ESRRG: variants seen among roughly 807,000 people sequenced by gnomAD.
The protein encoded by ESRRG is estrogen-related receptor gamma.
A neutral mutation model predicts 44.0 loss-of-function variants in ESRRG; 13 were observed. The ratio of observed to expected loss-of-function variants is 0.30; its 90% CI spans 0.19 to 0.47. The LOEUF (loss-of-function observed/expected upper bound fraction) is 0.47, where lower values mean the gene tolerates loss of function less well. Among genes scored for constraint, ESRRG ranks in the 20% least tolerant of loss-of-function variants. The pLI, the probability that ESRRG is intolerant of heterozygous loss-of-function variation, is 1.00. For synonymous variants in ESRRG, 215 were observed against 214.6 expected, an observed-to-expected ratio of 1.00 and a Z score of -0.02; for missense variants, 395 against 580.6, an observed-to-expected ratio of 0.68 and a Z score of 3.29.
chr1:216,738,086 C>T (rs2090202847), intron 2 of ESRRG, among the ~76,000 whole-genome samples: 1 of 150,516 alleles, frequency 6.6e-6, no homozygotes, highest in Non-Finnish European at 1.5e-5. Flanking sequence ...TTTGGAATCA[C>T]CTGGAGACTT....
chr1:217,015,460 A>G (rs528123809), intron 1 of ESRRG, among the ~76,000 whole-genome samples: 1 of 152,266 alleles, frequency 6.6e-6, no homozygotes, highest in Admixed American at 6.5e-5. Flanking sequence ...CTTGGCTCAA[A>G]CTAGTATCTT....
At chr1:216,954,217 C>T (rs975710566) in intron 1 of ESRRG, among the ~76,000 whole-genome samples, 1 of 151,792 alleles carries the variant, frequency 6.6e-6, no homozygotes, top group Non-Finnish European at 1.5e-5. Context: ...TTTAATTGCA[C>T]TACTCCATGG....
At chr1:216,570,268 T>A (rs556687211) in intron 3 of ESRRG, among the ~76,000 whole-genome samples, 1 of 152,102 alleles carries the variant, frequency 6.6e-6, no homozygotes, top group East Asian at 1.9e-4. Context: ...CCCAAAAAAG[T>A]TAGGTAAGGT....
chr1:216,970,782 C>T (rs17044582), intron 1 of ESRRG, among the ~76,000 whole-genome samples: 1 of 152,110 alleles, frequency 6.6e-6, no homozygotes, highest in African/African-American at 2.4e-5. Context: ...TGCTTAGATA[C>T]CTTACTCTTC....
chr1:216,747,390 G>A (rs2091522274), intron 2 of ESRRG, among the ~76,000 whole-genome samples: 1 of 152,094 alleles, frequency 6.6e-6, no homozygotes, highest in South Asian at 2.1e-4. Context: ...CACGTGCTAG[G>A]TCCTCACAAT....
intron 1 of ESRRG, among the ~76,000 whole-genome samples, chr1:217,103,693 A>C (rs1409743813): frequency 6.6e-6 from 1 of 151,264 alleles, no homozygotes; most frequent in Non-Finnish European, 1.5e-5. Flanking sequence ...ATTAATTAAA[A>C]GAATTTTTTA....
At chr1:216,572,953 C>T (rs926514121) in intron 3 of ESRRG, among the ~76,000 whole-genome samples, 3 of 151,554 alleles carry the variant, frequency 2.0e-5, no homozygotes, top group Non-Finnish European at 4.4e-5. Flanking sequence ...AAATACAAAT[C>T]GAACAAAAAA....
At chr1:216,519,803 C>G (rs1395731585) in intron 5 of ESRRG, among the ~76,000 whole-genome samples, 1 of 70,848 alleles carries the variant, frequency 1.4e-5, no homozygotes, top group South Asian at 4.7e-4. Flanking sequence ...TATTGGTAAA[C>G]AACATAAAAG....
chr1:216,926,995 G>A (rs933608766), intron 2 of ESRRG, among the ~76,000 whole-genome samples: 2 of 152,138 alleles, frequency 1.3e-5, no homozygotes, highest in African/African-American at 4.8e-5. Context: ...CAGCTTGTTG[G>A]GGGATTAGTG....
At chr1:216,943,103 TG>T (rs1477406259) in intron 1 of ESRRG, among the ~76,000 whole-genome samples, 22 of 152,320 alleles carry the variant, frequency 1.4e-4, no homozygotes, top group Non-Finnish European at 2.9e-5. Flanking sequence ...GCCTGGATTT[TG>T]CATTGCAAGA....
chr1:216,647,574 C>T (rs2067911556), intron 3 of ESRRG, among the ~76,000 whole-genome samples: 1 of 152,038 alleles, frequency 6.6e-6, no homozygotes, highest in African/African-American at 2.4e-5. Flanking sequence ...GAAAGCATAT[C>T]TTATAAGAAT....
intron 1 of ESRRG, among the ~76,000 whole-genome samples, chr1:216,683,147 A>G (rs1320418743): frequency 6.6e-6 from 1 of 152,188 alleles, no homozygotes; most frequent in East Asian, 1.9e-4. Context: ...GCATTAAGGT[A>G]CACTGGCTTA....
intron 3 of ESRRG, among the ~76,000 whole-genome samples, chr1:216,594,449 C>T (rs947105799): frequency 2.6e-5 from 4 of 152,086 alleles, no homozygotes; most frequent in Non-Finnish European, 5.9e-5. Context: ...GCCATCAGCC[C>T]TATTGCATGG....
rs2077474231 is a variant in ESRRG at position 216,683,902 on chromosome 1, C to T, written c.57-6411G>A. ...TCCCATGTCCTGGATACCCCTAAAT[C>T]CGAGGTAAACCAGGATGGTTTGTCA... On this transcript the variant is annotated intron_variant, in intron 1 of 6. Coordinates refer to ENST00000408911, the MANE Select transcript of ESRRG (RefSeq NM_001438.4). 3.3e-5 allele frequency among the ~76,000 whole-genome samples: 5 copies of T among 152,200 alleles called. No homozygotes were observed. The South Asian group carries it at 1.0e-3, about 32-fold the overall frequency.
chr1:216,728,595 T>C (rs564421817), intron 2 of ESRRG, among the ~76,000 whole-genome samples: 1 of 152,136 alleles, frequency 6.6e-6, no homozygotes, highest in East Asian at 1.9e-4. Context: ...TTGATACCAG[T>C]AAAATGATCA....
At chr1:217,115,177 G>A (rs116452931) in intron 1 of ESRRG, among the ~76,000 whole-genome samples, 2,487 of 152,256 alleles carry the variant, frequency 0.016, 75 homozygotes, top group African/African-American at 0.056. Context: ...TCCACCTGGG[G>A]AAAAGTAAGT....
intron 1 of ESRRG, among the ~76,000 whole-genome samples, chr1:217,025,141 C>A (rs1330931728): frequency 6.6e-6 from 1 of 152,126 alleles, no homozygotes; most frequent in African/African-American, 2.4e-5. Flanking sequence ...GTCCCAGAGT[C>A]TACAGCATCA....
chr1:217,038,616 T>G (rs958262793), intron 1 of ESRRG, among the ~76,000 whole-genome samples: 3 of 152,194 alleles, frequency 2.0e-5, no homozygotes. Context: ...ACCAAGTCCC[T>G]AGGCTGCATA....
At chr1:216,922,381 C>G (rs1344886485) in intron 2 of ESRRG, among the ~76,000 whole-genome samples, 1 of 152,106 alleles carries the variant, frequency 6.6e-6, no homozygotes. Flanking sequence ...CTTTTTAGTT[C>G]GAGTTGCAGT....
Sources: allele counts gnomAD v4.1 joint callset (sites outside exome capture counted in the v4.1 genomes callset), GRCh38; gene constraint gnomAD v4.1.1; transcripts MANE v1.5; gene names NCBI Gene and HGNC (gene_info 2026-07-23, HGNC 2026-07-21).